The following CYB5D2 variants were observed in gnomAD, a reference collection of about 807,000 sequenced individuals.
The protein encoded by CYB5D2 is neuferricin.
In CYB5D2, 23 loss-of-function variants were observed where a neutral mutation model predicts 22.8. The observed-to-expected ratio is 1.01, with a 90% confidence interval of 0.73 to 1.43. The LOEUF is 1.43. Among genes scored for constraint, CYB5D2 ranks in the 40% most tolerant of loss-of-function variants. The probability of loss-of-function intolerance (pLI) is 0.00; values close to 1 mark genes in which losing one functional copy is unlikely to be tolerated. For synonymous variants in CYB5D2, 170 were observed against 152.2 expected (o/e 1.12, Z -0.86); for missense variants, 373 against 357.2 (o/e 1.04, Z -0.36).
rs753557822 is a variant in CYB5D2, at chr17:4,149,961, C to A, written c.321C>A (p.Asp107Glu). Reference sequence around the variant, plus strand: ...CAGGCCTCGTGGATGACGTATCCGACCTGTCAGCCGCTGAGATGCTGACAC... The same window carrying A: ...CAGGCCTCGTGGATGACGTATCCGAACTGTCAGCCGCTGAGATGCTGACAC... Reference protein sequence around the residue: ...SEAGLVDDVSDLSAAEMLTLH... With the variant: ...SEAGLVDDVSELSAAEMLTLH... The change falls in exon 2 of 4, where the codon GAC becomes GAA. Residue 107 changes from aspartate (D) to glutamate (E), a missense_variant. Coordinates refer to ENST00000301391, the MANE Select transcript of CYB5D2 (RefSeq NM_144611.4). 2 of 1,614,088 alleles carry A rather than the reference C, an allele frequency of 1.2e-6. No homozygotes were observed. Among genetic ancestry groups the A allele is most frequent in the East Asian group, 2.2e-5 (1 of 44,876 alleles).
chr17:4,154,962 C>T (rs1358565887), intron 3 of CYB5D2, 102 bp downstream of exon 3: 3 of 1,274,016 alleles, frequency 2.4e-6, no homozygotes, highest in Non-Finnish European at 3.2e-6. Flanking sequence ...ATTGTTAACC[C>T]TGGGGAGCTT....
chr17:4,145,848 G>T (rs950241245), intron 1 of CYB5D2, among the ~76,000 whole-genome samples: 9 of 152,196 alleles, frequency 5.9e-5, no homozygotes, highest in African/African-American at 1.9e-4. Flanking sequence ...ACCCAGGCTG[G>T]CGTGCAGTGG....
At position 4,147,779 on chromosome 17, in the gene CYB5D2, G is replaced by A. The variant is rs181421941; in HGVS notation, c.251-2112G>A. Among the ~76,000 whole-genome samples, 110 of 152,332 alleles carry A rather than the reference G, an allele frequency of 7.2e-4. 2 individuals carry two copies. The East Asian group carries it at 0.017, about 24-fold the overall frequency. On this transcript the variant is annotated intron_variant, in intron 1 of 3. Coordinates refer to ENST00000301391, the MANE Select transcript of CYB5D2 (RefSeq NM_144611.4). Reference sequence around the variant, plus strand: ...GAGGCAGGAGAATTGCTTGAACCTGGGAGGCAGAGGTTGCGGTGAGCCGAG... The same window carrying A: ...GAGGCAGGAGAATTGCTTGAACCTGAGAGGCAGAGGTTGCGGTGAGCCGAG...
intron 1 of CYB5D2, among the ~76,000 whole-genome samples, chr17:4,148,641 C>T (rs1192926001): frequency 6.6e-6 from 1 of 151,848 alleles, no homozygotes; most frequent in African/African-American, 2.4e-5. Flanking sequence ...GAGTTCCACA[C>T]CAGCCTGGCC....
At position 4,143,778 on chromosome 17, in the gene CYB5D2, G is replaced by A. The variant is rs764495688; in HGVS notation, c.23G>A (p.Gly8Glu). 5.6e-6 allele frequency: 9 copies of A among 1,613,948 alleles called. No homozygotes were observed. In the South Asian group the frequency reaches 8.8e-5, roughly 16 times the overall value. Reference protein sequence around the residue: MLRCGGRGLLLGLAVAAA... With the variant: MLRCGGRELLLGLAVAAA... ...TAGATGTTGAGGTGCGGAGGCCGTG[G>A]GCTTTTGTTGGGCCTGGCTGTAGCC... Residue 8 changes from glycine (G) to glutamate (E), a missense_variant, in exon 1 of 4, where the codon GGG becomes GAG. By Grantham distance (98) the Gly-to-Glu change is moderately conservative. Transcript: ENST00000301391.
At chr17:4,146,223 A>AGC (rs2058989669) in intron 1 of CYB5D2, among the ~76,000 whole-genome samples, 1 of 149,306 alleles carries the variant, frequency 6.7e-6, no homozygotes, top group African/African-American at 2.5e-5. Context: ...CCTCCCGAGG[A>AGC]GCTAGGATTA....
chr17:4,143,810 G>A lies in CYB5D2; in HGVS notation c.55G>A (p.Ala19Thr). Residue 19 changes from alanine to threonine, a missense_variant, in exon 1 of 4, where the codon GCG becomes ACG. Transcript: ENST00000301391. The stretch of plus-strand genomic sequence containing the variant: ...GTTGGGCCTGGCTGTAGCCGCAGCA[G>A]CGGTAATGGCAGCACGGCTTATGGG... ...LLLGLAVAAA[A>T]VMAARLMGWW... is the part of the protein sequence containing the mutation. The A allele has an allele frequency of 6.2e-7, 1 of 1,614,156 alleles. No individual in the cohort carries two copies. The highest frequency in any genetic ancestry group is 8.5e-7 in the Non-Finnish European group (1 of 1,180,008).
At chr17:4,151,452 A>T (rs2059056664) in intron 2 of CYB5D2, among the ~76,000 whole-genome samples, 1 of 152,202 alleles carries the variant, frequency 6.6e-6, no homozygotes. Context: ...TGGGAGGCCG[A>T]GGTGGGCGGA....
Position 4,154,794 on chromosome 17 carries a change from C to T in CYB5D2, c.512C>T (p.Thr171Ile), listed in dbSNP as rs764280826. The T allele has an allele frequency of 1.8e-5, 29 of 1,614,074 alleles. No homozygotes were observed. In the African/African-American group the frequency reaches 3.3e-4, roughly 19 times the overall value. ...AAACTACAGCTGCAAGAGAAGCAGA[C>T]ATTCCCGCCGTGCAACGCGGAGTGG... ...ANKLQLQEKQ[T>I]FPPCNAEWSS... The change falls in exon 3 of 4, where the codon ACA becomes ATA. Residue 171 changes from threonine to isoleucine, a missense_variant. Physicochemically the swap from Thr to Ile is moderately conservative, Grantham distance 89. Coordinates refer to ENST00000301391, the MANE Select transcript of CYB5D2 (RefSeq NM_144611.4).
In CYB5D2 at chr17:4,153,506, C is replaced by A. The variant is rs78665866; in HGVS notation, c.392-1168C>A. Reference sequence around the variant, plus strand: ...TTGCATTTTTGTCTGCTTTAAGAAGCCATTGAAGGGTTTTAATCAGGCATC... The same window carrying A: ...TTGCATTTTTGTCTGCTTTAAGAAGACATTGAAGGGTTTTAATCAGGCATC... On this transcript the variant is annotated intron_variant, in intron 2 of 3. Transcript: ENST00000301391. Among the ~76,000 whole-genome samples the A allele has an allele frequency of 6.7e-3, 1,017 of 152,278 alleles. 6 individuals carry two copies. Among genetic ancestry groups the A allele is most frequent in the Non-Finnish European group, 9.5e-3 (644 of 68,008 alleles).
At chr17:4,154,910 C>A (rs1486863226) in intron 3 of CYB5D2, 50 bp downstream of exon 3, 4 of 1,553,622 alleles carry the variant, frequency 2.6e-6, no homozygotes, top group Non-Finnish European at 3.5e-6. Context: ...AATCCAACTC[C>A]TAGGCCATCC....
chr17:4,151,740 C>G (rs890904472), intron 2 of CYB5D2, among the ~76,000 whole-genome samples: 2 of 151,680 alleles, frequency 1.3e-5, no homozygotes, highest in Non-Finnish European at 2.9e-5. Context: ...ACCGGTGGCT[C>G]ATGCCTGTAA....
chr17:4,149,801 A>G, intron 1 of CYB5D2, 90 bp from the exon 2 acceptor site: 1 of 1,527,726 alleles, frequency 6.5e-7, no homozygotes. Context: ...TCCGTCTCAA[A>G]AAAAAAAGAA....
chr17:4,150,166 G>C, intron 2 of CYB5D2, 135 bp downstream of exon 2: 1 of 1,168,002 alleles, frequency 8.6e-7, no homozygotes, highest in Non-Finnish European at 1.2e-6. Flanking sequence ...AATTCTGGTC[G>C]TTAGAATAGG....
chr17:4,150,072 C>T, intron 2 of CYB5D2, 41 bp downstream of exon 2: 1 of 1,609,762 alleles, frequency 6.2e-7, no homozygotes, highest in Non-Finnish European at 8.5e-7. Context: ...TGGTTGTCTG[C>T]AGTGTTTTTA....
Position 4,143,643 on chromosome 17 carries a change from G to A in CYB5D2, c.-113G>A, listed in dbSNP as rs895873593. 62 of 958,458 alleles carry A rather than the reference G, an allele frequency of 6.5e-5. 1 individual carries two copies. Among genetic ancestry groups the A allele is most frequent in the African/African-American group, 4.1e-4 (23 of 55,576 alleles). The allele number at this position is 958,458 out of a possible 1,614,324, so 59.4% of individuals were successfully genotyped here. A position where few individuals can be genotyped will look rare whatever the true frequency, so the allele number is the denominator to read the frequency against. ...GGAGGGAGCGCGAGCACTAGCGCGC[G>A]AGAGAGAGAGCGAGAGCGCGCGCGC... On this transcript the variant is annotated 5_prime_UTR_variant, in exon 1 of 4. Transcript: ENST00000301391.
In CYB5D2 at chr17:4,143,819, G is replaced by A. The variant is rs926311597; in HGVS notation, c.64G>A (p.Ala22Thr). 7 of 1,614,052 alleles carry A rather than the reference G, an allele frequency of 4.3e-6. No homozygotes were observed. In the African/African-American group the frequency reaches 9.3e-5, roughly 22 times the overall value. ...GGCTGTAGCCGCAGCAGCGGTAATG[G>A]CAGCACGGCTTATGGGCTGGTGGGG... ...GLAVAAAAVM[A>T]ARLMGWWGPR... Residue 22 changes from alanine (A) to threonine (T), a missense_variant, in exon 1 of 4, where the codon GCA becomes ACA. Transcript: ENST00000301391.
At position 4,143,706 on chromosome 17, in the gene CYB5D2, GTAGA is replaced by G; in HGVS notation, c.-45_-42del. On this transcript the variant is annotated 5_prime_UTR_variant, in exon 1 of 4. Transcript: ENST00000301391. ...GCTCGGCGTCTCGGCCATCTTAGCT[GTAGA>G]TAGAGGCGGCAACCTCGGAAGTGCG... 1 of 1,563,756 alleles carries G rather than the reference GTAGA, an allele frequency of 6.4e-7. No homozygotes were observed. Among genetic ancestry groups the G allele is most frequent in the Non-Finnish European group, 8.7e-7 (1 of 1,152,422 alleles).
At position 4,149,953 on chromosome 17, in the gene CYB5D2, G is replaced by T. The variant is rs372881821; in HGVS notation, c.313G>T (p.Val105Leu). The change falls in exon 2 of 4, where the codon GTA becomes TTA. Residue 105 changes from valine (V) to leucine (L), a missense_variant. Transcript: ENST00000301391. ...TTCTGAAGCAGGCCTCGTGGATGACGTATCCGACCTGTCAGCCGCTGAGAT... is the reference window on the plus strand; with the variant it reads ...TTCTGAAGCAGGCCTCGTGGATGACTTATCCGACCTGTCAGCCGCTGAGAT... ...DCSEAGLVDD[V>L]SDLSAAEMLT... The T allele has an allele frequency of 3.2e-5, 51 of 1,614,028 alleles. No homozygotes were observed. The highest frequency in any genetic ancestry group is 1.2e-4 in the Admixed American group (7 of 59,992).
Sources: gnomAD v4.1 joint callset for allele counts (sites outside exome capture counted in the v4.1 genomes callset) on GRCh38, gnomAD v4.1.1 for gene constraint, MANE v1.5 for transcripts, NCBI Gene and HGNC (gene_info 2026-07-23, HGNC 2026-07-21) for gene names.